The following TSPAN12 variants were observed in gnomAD, a reference collection of about 807,000 sequenced individuals.
TSPAN12 encodes the protein tetraspanin-12.
A neutral mutation model predicts 39.2 loss-of-function variants in TSPAN12; 19 were observed. The observed-to-expected ratio is 0.49, with a 90% CI of 0.34 to 0.71. TSPAN12 has a LOEUF of 0.71. Ranked by LOEUF, TSPAN12 falls within the 30% of genes least tolerant of loss-of-function variation. The probability of loss-of-function intolerance (pLI) is 0.01; values close to 1 mark genes in which losing one functional copy is unlikely to be tolerated. For synonymous variants in TSPAN12, 119 were observed against 124.8 expected, an observed-to-expected ratio of 0.95 and a Z score of 0.31; for missense variants, 314 against 359.9, an observed-to-expected ratio of 0.87 and a Z score of 1.03.
At chr7:120,808,748 G>A (rs553968394) in intron 6 of TSPAN12, among the ~76,000 whole-genome samples, 124 of 152,198 alleles carry the variant, frequency 8.1e-4, no homozygotes, top group African/African-American at 2.9e-3. Flanking sequence ...ACTGAATGAG[G>A]AGCAAAGGAG....
intron 7 of TSPAN12, among the ~76,000 whole-genome samples, chr7:120,792,237 C>T (rs1234195268): frequency 6.6e-6 from 1 of 152,190 alleles, no homozygotes; most frequent in Non-Finnish European, 1.5e-5. Flanking sequence ...CTTCAAGGCG[C>T]CTCTCCCGGA....
intron 2 of TSPAN12, among the ~76,000 whole-genome samples, chr7:120,849,564 T>C (rs1175219263): frequency 2.6e-5 from 4 of 152,176 alleles, no homozygotes; most frequent in African/African-American, 7.2e-5. Context: ...TAAAACCACA[T>C]ACCTAAACTT....
chr7:120,791,303 T>C (rs958647360), intron 7 of TSPAN12, among the ~76,000 whole-genome samples: 4 of 151,622 alleles, frequency 2.6e-5, no homozygotes, highest in Non-Finnish European at 5.9e-5. Context: ...GACTCCAGCC[T>C]GGGCAACAGA....
chr7:120,852,423 G>A (rs563499857), intron 2 of TSPAN12, among the ~76,000 whole-genome samples: 2 of 152,290 alleles, frequency 1.3e-5, no homozygotes, highest in South Asian at 2.1e-4. Context: ...GGGTTCATAT[G>A]CCACACTGGT....
chr7:120,795,768 A>T (rs898890976), intron 7 of TSPAN12, among the ~76,000 whole-genome samples: 1 of 152,246 alleles, frequency 6.6e-6, no homozygotes, highest in African/African-American at 2.4e-5. Context: ...AGATTTAAAC[A>T]GGTTAGACCA....
chr7:120,830,317 A>G (rs139342795), intron 4 of TSPAN12, among the ~76,000 whole-genome samples: 1 of 152,222 alleles, frequency 6.6e-6, no homozygotes, highest in Non-Finnish European at 1.5e-5. Flanking sequence ...TTCCTATGGT[A>G]CTACAAATTC....
intron 4 of TSPAN12, among the ~76,000 whole-genome samples, chr7:120,825,333 C>T (rs1794265146): frequency 6.6e-6 from 1 of 152,132 alleles, no homozygotes; most frequent in Admixed American, 6.5e-5. Flanking sequence ...TAACATTCAA[C>T]ATGATTTAAA....
At chr7:120,840,383 GC>G (rs1433485410) in intron 2 of TSPAN12, among the ~76,000 whole-genome samples, 1 of 152,094 alleles carries the variant, frequency 6.6e-6, no homozygotes, top group Non-Finnish European at 1.5e-5. Flanking sequence ...AGATAAGGAG[GC>G]CACAGAACAA....
chr7:120,836,474 C>T (rs1419823493), intron 4 of TSPAN12, among the ~76,000 whole-genome samples: 1 of 152,066 alleles, frequency 6.6e-6, no homozygotes, highest in Non-Finnish European at 1.5e-5. Context: ...AGAGTACATC[C>T]AAAAAGCAAA....
chr7:120,853,122 TCTCA>T (rs1171025928), intron 2 of TSPAN12, among the ~76,000 whole-genome samples: 1 of 147,802 alleles, frequency 6.8e-6, no homozygotes, highest in Non-Finnish European at 1.5e-5. Flanking sequence ...TGAGACAGAG[TCTCA>T]CTCTGTCACC....
intron 4 of TSPAN12, among the ~76,000 whole-genome samples, chr7:120,819,229 A>G (rs980036384): frequency 2.6e-5 from 4 of 152,138 alleles, no homozygotes; most frequent in African/African-American, 7.2e-5. Context: ...TATAAAGAAA[A>G]CAGGAAATGC....
At chr7:120,828,712 G>A (rs995016520) in intron 4 of TSPAN12, among the ~76,000 whole-genome samples, 15 of 142,448 alleles carry the variant, frequency 1.1e-4, no homozygotes, top group East Asian at 2.0e-4. Context: ...GAGAACTTTC[G>A]GAATGAAAGT....
At chr7:120,801,492 G>C (rs1470836424) in intron 7 of TSPAN12, among the ~76,000 whole-genome samples, 1 of 152,206 alleles carries the variant, frequency 6.6e-6, no homozygotes. Flanking sequence ...CAAGTGTGGA[G>C]GACATGTCTG....
At position 120,787,443 on chromosome 7, in the gene TSPAN12, T is replaced by C. The variant is rs1793430670; in HGVS notation, c.*1149A>G. Reference sequence around the variant, plus strand: ...ATTTCAAATAAATATACTATACTCTTGTAAAAAAATTTAATAATCTGTGTA... The same window carrying C: ...ATTTCAAATAAATATACTATACTCTCGTAAAAAAATTTAATAATCTGTGTA... On this transcript the variant is annotated 3_prime_UTR_variant, in exon 8 of 8. Transcript: ENST00000222747. The C allele has an allele frequency of 6.6e-6, 1 of 152,570 alleles. No individual in the cohort carries two copies. The highest frequency in any genetic ancestry group is 1.5e-5 in the Non-Finnish European group (1 of 67,980). The allele number at this position is 152,570 out of a possible 1,614,324, so 9.5% of individuals were successfully genotyped here. A position where few individuals can be genotyped will look rare whatever the true frequency, so the allele number is the denominator to read the frequency against.
chr7:120,791,074 A>G (rs144301074), intron 7 of TSPAN12, among the ~76,000 whole-genome samples: 44 of 152,308 alleles, frequency 2.9e-4, no homozygotes, highest in Non-Finnish European at 4.3e-4. Context: ...CATGCCTGTA[A>G]TCCCAGCACG....
rs1033504453 is a variant in TSPAN12, at chr7:120,857,964, C to A, written c.-215G>T. ...GGAGACGCTTCTTTCTCTTCCTCTC[C>A]CCCCGCCGCCGCCGTCGCCGCCTCC... On this transcript the variant is annotated 5_prime_UTR_variant, in exon 1 of 8. Transcript: ENST00000222747. The A allele has an allele frequency of 3.9e-5, 6 of 154,638 alleles. No individual in the cohort carries two copies. Among genetic ancestry groups the A allele is most frequent in the Non-Finnish European group, 8.6e-5 (6 of 69,788 alleles). The allele number at this position is 154,638 out of a possible 1,614,324, so 9.6% of individuals were successfully genotyped here. A position where few individuals can be genotyped will look rare whatever the true frequency, so the allele number is the denominator to read the frequency against.
chr7:120,815,863 A>G, intron 4 of TSPAN12, 60 bp from the exon 5 acceptor site: 1 of 1,464,118 alleles, frequency 6.8e-7, no homozygotes, highest in South Asian at 1.2e-5. Context: ...CTCCTCAAAG[A>G]CAGACTTGGT....
At chr7:120,840,741 T>G (rs2116472171) in intron 2 of TSPAN12, among the ~76,000 whole-genome samples, 1 of 152,356 alleles carries the variant, frequency 6.6e-6, no homozygotes, top group East Asian at 1.9e-4. Context: ...CTATCATTTC[T>G]CTTTATCCTA....
chr7:120,838,632 A>G (rs1409281457), intron 4 of TSPAN12, 145 bp downstream of exon 4: 1 of 803,962 alleles, frequency 1.2e-6, no homozygotes, highest in South Asian at 1.7e-5. Context: ...GTGTATTCAA[A>G]TAATCTCTTG....
Sources: gnomAD v4.1 joint callset for allele counts (sites outside exome capture counted in the v4.1 genomes callset) on GRCh38, gnomAD v4.1.1 for gene constraint, MANE v1.5 for transcripts, NCBI Gene and HGNC (gene_info 2026-07-23, HGNC 2026-07-21) for gene names.